The following ICA1 variants were observed in gnomAD, a reference collection of about 807,000 sequenced individuals.
ICA1 encodes islet cell autoantigen 1, also known as 69 kDa islet cell autoantigen.
A neutral mutation model predicts 71.0 loss-of-function variants in ICA1; 40 were observed. The observed-to-expected ratio is 0.56, with a 90% CI of 0.44 to 0.73. The LOEUF is 0.73. Among genes scored for constraint, ICA1 ranks in the 30% least tolerant of loss-of-function variants. ICA1 has a pLI of 0.00. For synonymous variants in ICA1, 207 were observed against 209.5 expected (o/e 0.99, Z 0.10); for missense variants, 578 against 576.5 (o/e 1.00, Z -0.03).
At position 8,230,226 on chromosome 7, in the gene ICA1, A is replaced by G. The variant is rs17145897; in HGVS notation, c.184-1553T>C. Among the ~76,000 whole-genome samples the G allele has an allele frequency of 2.0e-5, 3 of 152,148 alleles. No individual in the cohort carries two copies. The South Asian group carries it at 6.2e-4, about 32-fold the overall frequency. ...TTTTTCAGAAAAGGATTTCATTAGC[A>G]AGCAACGTGGACAAATATTAAAACT... On this transcript the variant is annotated intron_variant, in intron 3 of 13. Coordinates refer to ENST00000402384, the MANE Select transcript of ICA1 (RefSeq NM_001136020.3).
chr7:8,162,608 G>C (rs1240555444), intron 6 of ICA1, among the ~76,000 whole-genome samples: 1 of 152,124 alleles, frequency 6.6e-6, no homozygotes, highest in Admixed American at 6.5e-5. Flanking sequence ...CTCAACCCTA[G>C]ATAAGTTATA....
intron 6 of ICA1, among the ~76,000 whole-genome samples, chr7:8,161,983 G>A (rs77097124): frequency 0.034 from 5,183 of 152,298 alleles, 143 homozygotes; most frequent in South Asian, 0.13. Flanking sequence ...TGGGTCTTAG[G>A]CATGACTAGG....
Position 8,207,632 on chromosome 7 carries a change from G to C in ICA1, c.579+10673C>G, listed in dbSNP as rs985668409. On this transcript the variant is annotated intron_variant, in intron 6 of 13. Transcript: ENST00000402384. ...GAGACAAAGCGAAGACACTTTTTGA[G>C]GTAAGTGGGATGAAAGTGGCTGAGA... 2.0e-5 allele frequency among the ~76,000 whole-genome samples: 3 copies of C among 152,290 alleles called. No homozygotes were observed. The South Asian group carries it at 6.2e-4, about 32-fold the overall frequency.
chr7:8,222,119 C>T lies in ICA1; in HGVS notation c.257-721G>A, dbSNP rs1051635598. 1.1e-4 allele frequency among the ~76,000 whole-genome samples: 16 copies of T among 152,128 alleles called. No individual in the cohort carries two copies. The highest frequency in any genetic ancestry group is 3.6e-4 in the African/African-American group (15 of 41,414). ...AGAATTACATGTATCTTTGGACTCT[C>T]CATGTCTACTGTTAGGAGAACTTCC... On this transcript the variant is annotated intron_variant, in intron 4 of 13. Transcript: ENST00000402384. The surrounding 1 kb of genome is among the most constrained non-coding windows in gnomAD (Gnocchi z 4.8).
At chr7:8,194,944 T>C (rs1786936949) in intron 6 of ICA1, among the ~76,000 whole-genome samples, 1 of 152,154 alleles carries the variant, frequency 6.6e-6, no homozygotes, top group South Asian at 2.1e-4. Context: ...AAAAATTATA[T>C]GTGTGGAAGA....
chr7:8,256,574 C>A (rs1309129561), intron 1 of ICA1, among the ~76,000 whole-genome samples: 1 of 152,172 alleles, frequency 6.6e-6, no homozygotes, highest in Non-Finnish European at 1.5e-5. Flanking sequence ...GTGAAGTATT[C>A]CCAACTCAAC....
chr7:8,221,498 G>C (rs1044931889), intron 4 of ICA1, 100 bp from the exon 5 acceptor site: 2 of 1,341,048 alleles, frequency 1.5e-6, no homozygotes, highest in African/African-American at 1.5e-5. Context: ...TTCCAGAGGC[G>C]AAGACGAGAT....
chr7:8,224,095 T>A (rs1797894879), intron 4 of ICA1, among the ~76,000 whole-genome samples: 1 of 152,030 alleles, frequency 6.6e-6, no homozygotes, highest in Admixed American at 6.6e-5. Context: ...AAATAAAACA[T>A]AATCACAAAC....
intron 6 of ICA1, among the ~76,000 whole-genome samples, chr7:8,176,239 T>C (rs1433424025): frequency 6.6e-6 from 1 of 152,232 alleles, no homozygotes; most frequent in Admixed American, 6.5e-5. Context: ...TCATGCATGC[T>C]GAGCTACAGC....
chr7:8,257,882 G>C (rs554497582), intron 1 of ICA1, among the ~76,000 whole-genome samples: 95 of 152,200 alleles, frequency 6.2e-4, no homozygotes, highest in African/African-American at 2.2e-3. Context: ...ATAGACACTG[G>C]GCTCCAGACA....
chr7:8,175,864 A>C (rs971070836), intron 6 of ICA1, among the ~76,000 whole-genome samples: 1 of 152,186 alleles, frequency 6.6e-6, no homozygotes, highest in Non-Finnish European at 1.5e-5. Flanking sequence ...GGGCACTCCT[A>C]GCATAATCCA....
chr7:8,171,299 T>C (rs1415774501), intron 6 of ICA1, among the ~76,000 whole-genome samples: 1 of 151,958 alleles, frequency 6.6e-6, no homozygotes. Context: ...GAAAGATTTT[T>C]AACTACAAAT....
intron 10 of ICA1, among the ~76,000 whole-genome samples, chr7:8,139,330 C>T (rs553724335): frequency 6.6e-6 from 1 of 152,184 alleles, no homozygotes; most frequent in Admixed American, 6.5e-5. Context: ...ACTTAAGTAA[C>T]TGACTATTAC....
At chr7:8,213,062 G>A (rs1423833549) in intron 6 of ICA1, among the ~76,000 whole-genome samples, 1 of 152,146 alleles carries the variant, frequency 6.6e-6, no homozygotes, top group Admixed American at 6.5e-5. Flanking sequence ...GGCAGCTAGA[G>A]TCAATCTACT....
At chr7:8,205,370 C>T (rs1032116307) in intron 6 of ICA1, among the ~76,000 whole-genome samples, 1 of 152,122 alleles carries the variant, frequency 6.6e-6, no homozygotes, top group African/African-American at 2.4e-5. Flanking sequence ...TCCAGTGAAA[C>T]CTGAGTATGC....
intron 10 of ICA1, among the ~76,000 whole-genome samples, chr7:8,139,726 G>T (rs886673734): frequency 6.6e-6 from 1 of 152,224 alleles, no homozygotes; most frequent in Non-Finnish European, 1.5e-5. Context: ...ATACCACCTG[G>T]TGTAGGATGT....
At chr7:8,196,685 A>C (rs2128314829) in intron 6 of ICA1, among the ~76,000 whole-genome samples, 1 of 152,254 alleles carries the variant, frequency 6.6e-6, no homozygotes, top group Admixed American at 6.5e-5. Flanking sequence ...TGGGAAGCTA[A>C]AAATTGCTCT....
chr7:8,156,861 C>G (rs1258255901), intron 8 of ICA1: 9 of 1,506,838 alleles, frequency 6.0e-6, no homozygotes, highest in Non-Finnish European at 7.9e-6. Context: ...ACATGTATCT[C>G]AAGGTTCAAG....
At chr7:8,233,927 A>G (rs1801040942) in intron 2 of ICA1, among the ~76,000 whole-genome samples, 1 of 152,222 alleles carries the variant, frequency 6.6e-6, no homozygotes, top group African/African-American at 2.4e-5. Flanking sequence ...TATGTGGAGA[A>G]AAAATTAGAA....
Sources: allele counts gnomAD v4.1 joint callset (sites outside exome capture counted in the v4.1 genomes callset), GRCh38; gene constraint gnomAD v4.1.1; non-coding constraint Gnocchi (gnomAD v3.1); transcripts MANE v1.5; gene names NCBI Gene and HGNC (gene_info 2026-07-23, HGNC 2026-07-21).